Variants in OR11H4 observed in about 807,000 individuals in gnomAD.
OR11H4 encodes olfactory receptor family 11 subfamily H member 4.
For synonymous variants in OR11H4, 162 were observed against 142.3 expected (o/e 1.14, Z -0.98); for missense variants, 460 against 371.1 (o/e 1.24, Z -1.97).
chr14:20,243,706 G>A lies in OR11H4; in HGVS notation c.885G>A (p.Lys295=). ...FNPLIYTLRN[K]DMKLALRNVL... is the part of the protein sequence containing the mutation. Reference sequence around the variant, plus strand: ...CTCTGATCTATACTCTTCGTAATAAGGACATGAAACTCGCTCTGAGAAATG... The same window carrying A: ...CTCTGATCTATACTCTTCGTAATAAAGACATGAAACTCGCTCTGAGAAATG... The change falls in exon 2 of 2, where the codon AAG becomes AAA. Residue 295 remains lysine, a synonymous_variant. Transcript: ENST00000641082. 6.2e-7 allele frequency: 1 copy of A among 1,605,148 alleles called. No homozygotes were observed. Among genetic ancestry groups the A allele is most frequent in the Non-Finnish European group, 8.5e-7 (1 of 1,176,612 alleles).
chr14:20,240,176 A>C (rs1880884395), intron 1 of OR11H4, among the ~76,000 whole-genome samples: 1 of 152,198 alleles, frequency 6.6e-6, no homozygotes, highest in Non-Finnish European at 1.5e-5. Context: ...TCCCAATTTA[A>C]GTCTGAGCCT....
In OR11H4 at chr14:20,243,288, A is replaced by G. The variant is rs763120530; in HGVS notation, c.467A>G (p.Tyr156Cys). 1.9e-6 allele frequency: 3 copies of G among 1,614,012 alleles called. No homozygotes were observed. The highest frequency in any genetic ancestry group is 2.5e-6 in the Non-Finnish European group (3 of 1,179,974). The stretch of plus-strand genomic sequence containing the variant: ...TGTTGGCTTATTGGATTCCTTGGAT[A>G]CCCAATTCCCATTTTCTACATCTCC... ...SFCWLIGFLG[Y>C]PIPIFYISQL... Residue 156 changes from tyrosine (Y) to cysteine (C), a missense_variant, in exon 2 of 2, where the codon TAC becomes TGC. Tyr to Cys is a radical substitution (Grantham distance 194). Transcript: ENST00000641082.
chr14:20,240,369 T>C (rs1880887619), intron 1 of OR11H4, among the ~76,000 whole-genome samples: 1 of 152,162 alleles, frequency 6.6e-6, no homozygotes, highest in Admixed American at 6.5e-5. Context: ...ATTTCCCTTT[T>C]TATGCATCCT....
chr14:20,243,465 T>C lies in OR11H4; in HGVS notation c.644T>C (p.Leu215Pro). The change falls in exon 2 of 2, where the codon CTT (leucine) becomes CCT (proline). Residue 215 changes from leucine to proline, a missense_variant. By Grantham distance (98) the Leu-to-Pro change is moderately conservative (BLOSUM62 -3). Transcript: ENST00000641082. ...LVLFFTSMYI[L>P]RSYILLLTAV... is the part of the protein sequence containing the mutation. ...CTCTTTTTCACTAGTATGTACATTC[T>C]TCGATCCTATATCCTGTTACTAACA... is the stretch of plus-strand genomic sequence containing the variant. 1 of 1,614,002 alleles carries C rather than the reference T, an allele frequency of 6.2e-7. No individual in the cohort carries two copies. The highest frequency in any genetic ancestry group is 8.5e-7 in the Non-Finnish European group (1 of 1,179,942).
chr14:20,243,724 G>A lies in OR11H4; in HGVS notation c.903G>A (p.Leu301=), dbSNP rs1267903730. The A allele has an allele frequency of 6.3e-7, 1 of 1,599,088 alleles. No individual in the cohort carries two copies. Among genetic ancestry groups the A allele is most frequent in the Non-Finnish European group, 8.5e-7 (1 of 1,173,076 alleles). Reference sequence around the variant, plus strand: ...GTAATAAGGACATGAAACTCGCTCTGAGAAATGTCCTGTTTGGAATGAGAA... The same window carrying A: ...GTAATAAGGACATGAAACTCGCTCTAAGAAATGTCCTGTTTGGAATGAGAA... The part of the protein sequence containing the change: ...TLRNKDMKLA[L]RNVLFGMRIR... The change falls in exon 2 of 2, where the codon CTG becomes CTA. Residue 301 remains leucine, a synonymous_variant. Transcript: ENST00000641082.
chr14:20,242,631 C>G, intron 1 of OR11H4, 180 bp from the exon 2 acceptor site: 1 of 655,338 alleles, frequency 1.5e-6, no homozygotes, highest in South Asian at 2.0e-5. Flanking sequence ...CAAAATAACA[C>G]AGAGAACCAC....
intron 1 of OR11H4, among the ~76,000 whole-genome samples, chr14:20,240,273 C>T (rs1880886061): frequency 6.6e-6 from 1 of 152,124 alleles, no homozygotes; most frequent in African/African-American, 2.4e-5. Context: ...TATTGAGCAC[C>T]TTATTCAAGG....
chr14:20,239,698 A>AAAAAAG (rs556245598), intron 1 of OR11H4, among the ~76,000 whole-genome samples: 3 of 152,050 alleles, frequency 2.0e-5, no homozygotes, highest in Admixed American at 6.5e-5. Context: ...TCTCAGAAAA[A>AAAAAAG]AAAAAGAAAA....
chr14:20,243,790 A>C lies in OR11H4; in HGVS notation c.*24A>C. 1 of 1,541,944 alleles carries C rather than the reference A, an allele frequency of 6.5e-7. No individual in the cohort carries two copies. On this transcript the variant is annotated 3_prime_UTR_variant, in exon 2 of 2. Coordinates refer to ENST00000641082, the MANE Select transcript of OR11H4 (RefSeq NM_001004479.2). ...GAGCCAAAGATGTGCCATACTTACA[A>C]GTTCTAACGAAGAACAAGGTCGAGA...
At chr14:20,239,467 G>C (rs532907921) in intron 1 of OR11H4, 136 bp downstream of exon 1, 1 of 152,644 alleles carries the variant, frequency 6.6e-6, no homozygotes, top group Non-Finnish European at 1.5e-5. Context: ...GGCCGAGGCA[G>C]TCCGATCACG....
chr14:20,240,886 C>G (rs531017462), intron 1 of OR11H4, among the ~76,000 whole-genome samples: 1 of 152,154 alleles, frequency 6.6e-6, no homozygotes, highest in African/African-American at 2.4e-5. Context: ...AAAACTACCA[C>G]TTTTTTAAGA....
Position 20,243,532 on chromosome 14 carries a change from C to T in OR11H4, c.711C>T (p.Ala237=). ...QVPSAAGRRK[A]FSTCGSHLVV... is the part of the protein sequence containing the mutation. ...CTTCTGCAGCTGGTCGGAGAAAAGC[C>T]TTCTCTACCTGTGGTTCTCATTTGG... Residue 237 remains alanine, a synonymous_variant, in exon 2 of 2, where the codon GCC becomes GCT. Coordinates refer to ENST00000641082, the MANE Select transcript of OR11H4 (RefSeq NM_001004479.2). The T allele has an allele frequency of 6.2e-7, 1 of 1,613,596 alleles. No homozygotes were observed. Among genetic ancestry groups the T allele is most frequent in the Non-Finnish European group, 8.5e-7 (1 of 1,179,862 alleles).
chr14:20,239,511 G>A (rs550480750), intron 1 of OR11H4, among the ~76,000 whole-genome samples, 180 bp downstream of exon 1: 5 of 152,070 alleles, frequency 3.3e-5, no homozygotes, highest in African/African-American at 7.2e-5. Context: ...TGGCTAACAC[G>A]GCGAAACCCC....
In OR11H4 at chr14:20,241,596, G is replaced by A. The variant is rs149356843; in HGVS notation, c.-11-1215G>A. Among the ~76,000 whole-genome samples, 17 of 152,220 alleles carry A rather than the reference G, an allele frequency of 1.1e-4. No individual in the cohort carries two copies. The South Asian group carries it at 1.2e-3, about 11-fold the overall frequency. ...CCCCTCCACACCTGTGGGTATTTCTGGTCTGGTAGGACGAGAGACTGAGAA... is the reference window on the plus strand; with the variant it reads ...CCCCTCCACACCTGTGGGTATTTCTAGTCTGGTAGGACGAGAGACTGAGAA... On this transcript the variant is annotated intron_variant, in intron 1 of 1. Coordinates refer to ENST00000641082, the MANE Select transcript of OR11H4 (RefSeq NM_001004479.2).
intron 1 of OR11H4, among the ~76,000 whole-genome samples, chr14:20,240,477 A>C (rs1023341670): frequency 6.6e-6 from 1 of 152,028 alleles, no homozygotes; most frequent in African/African-American, 2.4e-5. Context: ...GTTGCCTTTC[A>C]CATTTTTCTT....
chr14:20,240,262 C>G (rs1312475459), intron 1 of OR11H4, among the ~76,000 whole-genome samples: 1 of 152,154 alleles, frequency 6.6e-6, no homozygotes, highest in African/African-American at 2.4e-5. Flanking sequence ...TGGAAATCAC[C>G]TATTGAGCAC....
rs370939481 is a variant in OR11H4, at chr14:20,242,253, A to G, written c.-11-558A>G. Among the ~76,000 whole-genome samples, 158 of 152,072 alleles carry G rather than the reference A, an allele frequency of 1.0e-3. 1 individual carries two copies. Among genetic ancestry groups the G allele is most frequent in the South Asian group, 1.7e-3 (8 of 4,816 alleles). On this transcript the variant is annotated intron_variant, in intron 1 of 1. Coordinates refer to ENST00000641082, the MANE Select transcript of OR11H4 (RefSeq NM_001004479.2). ...TGCTTTCAAGGGCAGAGGTCCCTGC[A>G]GCTTTCCACAGTGCATTGTGCCCCT...
intron 1 of OR11H4, 147 bp from the exon 2 acceptor site, chr14:20,242,662 GGA>G: frequency 1.2e-6 from 1 of 828,910 alleles, no homozygotes; most frequent in Non-Finnish European, 1.9e-6. Context: ...AAATTTGGTA[GGA>G]CATATTCCCA....
Position 20,243,196 on chromosome 14 carries a change from C to G in OR11H4, c.375C>G (p.Ala125=). The change falls in exon 2 of 2, where the codon GCC becomes GCG. Residue 125 remains alanine, a synonymous_variant. Coordinates refer to ENST00000641082, the MANE Select transcript of OR11H4 (RefSeq NM_001004479.2). ...TAATGGCTTATGATCGATACCTGGC[C>G]ATCTGCCACCCACTGCAGTACCCTG... ...LAVMAYDRYL[A]ICHPLQYPAI... The G allele has an allele frequency of 6.2e-7, 1 of 1,614,150 alleles. No homozygotes were observed.
Sources: gnomAD v4.1 joint callset for allele counts (sites outside exome capture counted in the v4.1 genomes callset) on GRCh38, gnomAD v4.1.1 for gene constraint, MANE v1.5 for transcripts, NCBI Gene and HGNC (gene_info 2026-07-23, HGNC 2026-07-21) for gene names.